ICAM2: variants seen among roughly 807,000 people sequenced by gnomAD.
ICAM2 encodes the protein ICAM-2.
Under a neutral mutation model 19.1 loss-of-function variants are expected in ICAM2, and 14 were observed. That is an observed-to-expected ratio of 0.73 (90% CI 0.48 to 1.15). The LOEUF is 1.15. Among genes scored for constraint, ICAM2 ranks in the 50% most tolerant of loss-of-function variants. The pLI is 0.00. For missense variants in ICAM2, 311 were observed against 355.4 expected, an observed-to-expected ratio of 0.88 and a Z score of 1.00; for synonymous variants, 153 against 152.7, an observed-to-expected ratio of 1.00 and a Z score of -0.01.
intron 1 of ICAM2, among the ~76,000 whole-genome samples, chr17:64,007,553 C>G (rs1157185569): frequency 6.6e-6 from 1 of 152,194 alleles, no homozygotes; most frequent in Non-Finnish European, 1.5e-5. Context: ...TGAGCCACCG[C>G]ACCTGGCCCT....
rs1455350049 is a variant in ICAM2, at chr17:64,002,749, A to G, written c.826T>C (p.Ter276GlnextTer3). The G allele has an allele frequency of 1.2e-6, 2 of 1,610,892 alleles. No individual in the cohort carries two copies. Among genetic ancestry groups the G allele is most frequent in the Non-Finnish European group, 8.5e-7 (1 of 1,179,522 alleles). The change falls in exon 5 of 5, where the codon TAG becomes CAG. Residue 276 changes from the stop codon to glutamine (Q), a stop_lost. Coordinates refer to ENST00000579788, the MANE Select transcript of ICAM2 (RefSeq NM_001099789.2). The stretch of plus-strand genomic sequence containing the variant: ...GGTGGCCATGCCACTCATGGTTGCT[A>G]TGGCCGGAAGGCCTGGGGCAGCCTC... Reference protein sequence around the residue: ...WRRLPQAFRP* With the variant: ...WRRLPQAFRPQ
Position 64,002,829 on chromosome 17 carries a change from C to T in ICAM2, c.746G>A (p.Gly249Asp), listed in dbSNP as rs775730950. ...VTSVLLCFIF[G>D]QHLRQQRMGT... The stretch of plus-strand genomic sequence containing the variant: ...CATCCGCTGCTGGCGCAAGTGCTGG[C>T]CGAAGATGAAGCAGAGCAGGACAGA... Residue 249 changes from glycine to aspartate, a missense_variant, in exon 5 of 5, where the codon GGC (glycine) becomes GAC (aspartate). Gly to Asp is a moderately conservative substitution (Grantham distance 94). Coordinates refer to ENST00000579788, the MANE Select transcript of ICAM2 (RefSeq NM_001099789.2). 10 of 1,613,936 alleles carry T rather than the reference C, an allele frequency of 6.2e-6. No individual in the cohort carries two copies. The East Asian group carries it at 1.1e-4, about 18-fold the overall frequency.
chr17:64,014,647 G>A (rs1046406267), intron 1 of ICAM2, among the ~76,000 whole-genome samples: 6 of 140,604 alleles, frequency 4.3e-5, no homozygotes, highest in Admixed American at 7.1e-5. Context: ...AAGAGAGAGA[G>A]AGAAAGAAAG....
At chr17:64,006,849 C>T in intron 1 of ICAM2, 114 bp from the exon 2 acceptor site, 1 of 663,976 alleles carries the variant, frequency 1.5e-6, no homozygotes, top group Non-Finnish European at 2.6e-6. Context: ...AAGCCACGTG[C>T]ACCAGCTCGT....
At chr17:64,014,722 G>GAAAGA (rs1567849841) in intron 1 of ICAM2, among the ~76,000 whole-genome samples, 47 of 16,046 alleles carry the variant, frequency 2.9e-3, no homozygotes, top group African/African-American at 3.6e-3. Flanking sequence ...AGGAAGGAAG[G>GAAAGA]AAGAAAGAAA....
chr17:64,007,267 C>CTTTTTT (rs1031318047), intron 1 of ICAM2, among the ~76,000 whole-genome samples: 2 of 146,568 alleles, frequency 1.4e-5, no homozygotes, highest in Non-Finnish European at 3.0e-5. Flanking sequence ...TTTTCTTTTT[C>CTTTTTT]TTTTTTTTTT....
rs201395576 is a variant in ICAM2 at position 64,006,685 on chromosome 17, A to G, written c.7T>C (p.Ser3Pro). 1,003 of 1,614,194 alleles carry G rather than the reference A, an allele frequency of 6.2e-4. 15 individuals carry two copies. The South Asian group carries it at 7.6e-3, about 12-fold the overall frequency. Residue 3 changes from serine to proline, a missense_variant, in exon 2 of 5, where the codon TCT becomes CCT. Transcript: ENST00000579788. ...ACAGTCAGGGTCCTGTAACCGAAAG[A>G]GGACATCTCTGGCAGTCTCCACGGG... is the stretch of plus-strand genomic sequence containing the variant. MSSFGYRTLTVAL... is the reference protein window; with the variant it reads MSPFGYRTLTVAL...
rs201043316 is a variant in ICAM2 at position 64,003,841 on chromosome 17, C to T, written c.452G>A (p.Arg151His). The stretch of plus-strand genomic sequence containing the variant: ...CTCATAGTGCAGAGTCTCATTGCCA[C>T]GGAACAGGAAGAGGGTGAGGCTGTC... ...PLDSLTLFLF[R>H]GNETLHYETF... The change falls in exon 4 of 5, where the codon CGT (arginine) becomes CAT (histidine). Residue 151 changes from arginine to histidine, a missense_variant. Coordinates refer to ENST00000579788, the MANE Select transcript of ICAM2 (RefSeq NM_001099789.2). 3.3e-5 allele frequency: 53 copies of T among 1,614,210 alleles called. 1 individual carries two copies. The highest frequency in any genetic ancestry group is 3.2e-4 in the Admixed American group (19 of 60,028).
chr17:64,011,302 AAC>A (rs1911443318), intron 1 of ICAM2, among the ~76,000 whole-genome samples: 1 of 152,126 alleles, frequency 6.6e-6, no homozygotes, highest in African/African-American at 2.4e-5. Context: ...CTCTACTAAA[AAC>A]ACAAAAAAGT....
At chr17:64,014,454 G>T (rs1186248924) in intron 1 of ICAM2, among the ~76,000 whole-genome samples, 4 of 110,408 alleles carry the variant, frequency 3.6e-5, no homozygotes, top group East Asian at 2.5e-4. Context: ...AGAGAGAGAA[G>T]GAGAGAGAGA....
At chr17:64,014,617 G>T (rs551428697) in intron 1 of ICAM2, among the ~76,000 whole-genome samples, 8 of 136,148 alleles carry the variant, frequency 5.9e-5, no homozygotes, top group Non-Finnish European at 1.3e-4. Context: ...GGGAGGGAGG[G>T]AGAGAGAGAG....
At chr17:64,009,999 G>T (rs1159686525) in intron 1 of ICAM2, among the ~76,000 whole-genome samples, 1 of 152,074 alleles carries the variant, frequency 6.6e-6, no homozygotes, top group Non-Finnish European at 1.5e-5. Context: ...ATATTCCAGT[G>T]ATTTTATCCC....
chr17:64,014,440 AGAGAGAGAGAGAAG>A (rs1307390742), intron 1 of ICAM2, among the ~76,000 whole-genome samples: 8 of 141,920 alleles, frequency 5.6e-5, no homozygotes, highest in African/African-American at 2.1e-4. Context: ...AGGAAGGAAG[AGAGAGAGAGAGAAG>A]GAGAGAGAGA....
intron 1 of ICAM2, among the ~76,000 whole-genome samples, chr17:64,018,118 G>T (rs575765360): frequency 7.9e-5 from 12 of 151,948 alleles, no homozygotes; most frequent in Admixed American, 4.6e-4. Flanking sequence ...CTGATCACGC[G>T]GTCAGAAGAT....
intron 1 of ICAM2, among the ~76,000 whole-genome samples, chr17:64,008,934 C>A (rs945751104): frequency 6.6e-6 from 1 of 152,258 alleles, no homozygotes; most frequent in African/African-American, 2.4e-5. Context: ...CCCGAAAGCA[C>A]AGGCCCCAGT....
chr17:64,010,394 T>C (rs1436222943), intron 1 of ICAM2, among the ~76,000 whole-genome samples: 1 of 152,172 alleles, frequency 6.6e-6, no homozygotes, highest in Non-Finnish European at 1.5e-5. Flanking sequence ...GGAGTTAAGA[T>C]AGTTCTGGAA....
At chr17:64,003,176 TGTC>T (rs1238744100) in intron 4 of ICAM2, 1 of 515,766 alleles carries the variant, frequency 1.9e-6, no homozygotes, top group African/African-American at 1.9e-5. Flanking sequence ...GATGTCCCCT[TGTC>T]AGCAGCCATG....
Position 64,003,802 on chromosome 17 carries a change from G to A in ICAM2, c.491C>T (p.Ala164Val). 6.2e-7 allele frequency: 1 copy of A among 1,614,260 alleles called. No homozygotes were observed. The highest frequency in any genetic ancestry group is 1.6e-4 in the Middle Eastern group (1 of 6,062). The part of the protein sequence containing the change: ...ETLHYETFGK[A>V]APAPQEATAT... ...TGTGGCCTCCTGCGGAGCAGGGGCTGCCTTCCCGAAGGTCTCATAGTGCAG... is the reference window on the plus strand; with the variant it reads ...TGTGGCCTCCTGCGGAGCAGGGGCTACCTTCCCGAAGGTCTCATAGTGCAG... The change falls in exon 4 of 5, where the codon GCA becomes GTA. Residue 164 changes from alanine (A) to valine (V), a missense_variant. By Grantham distance (64) the Ala-to-Val change is moderately conservative. Transcript: ENST00000579788.
At chr17:64,009,607 A>G (rs1243881783) in intron 1 of ICAM2, among the ~76,000 whole-genome samples, 2 of 152,106 alleles carry the variant, frequency 1.3e-5, no homozygotes, top group Admixed American at 6.6e-5. Flanking sequence ...ACCACCTTGC[A>G]TACAGAGAGT....
Sources: allele counts gnomAD v4.1 joint callset (sites outside exome capture counted in the v4.1 genomes callset), GRCh38; gene constraint gnomAD v4.1.1; transcripts MANE v1.5; gene names NCBI Gene and HGNC (gene_info 2026-07-23, HGNC 2026-07-21).